The following CTNND2 variants were observed in gnomAD, a reference collection of about 807,000 sequenced individuals.
CTNND2 encodes catenin delta 2, also known as catenin delta-2.
In CTNND2, 22 loss-of-function variants were observed where a neutral mutation model predicts 144.4. That is an observed-to-expected ratio of 0.15 (90% CI 0.11 to 0.22). CTNND2 has a LOEUF of 0.22. CTNND2 is among the 10% of genes least tolerant of loss of function. CTNND2 has a pLI of 1.00. For synonymous variants in CTNND2, 751 were observed against 695.6 expected (o/e 1.08, Z -1.25); for missense variants, 1,353 against 1,618.8 (o/e 0.84, Z 2.82).
At chr5:11,731,920 C>A (rs1242710933) in intron 2 of CTNND2, among the ~76,000 whole-genome samples, 1 of 152,014 alleles carries the variant, frequency 6.6e-6, no homozygotes, top group African/African-American at 2.4e-5. Context: ...AGTTGTTTTT[C>A]TTCCCCTATA....
intron 3 of CTNND2, among the ~76,000 whole-genome samples, chr5:11,477,589 G>T (rs985215168): frequency 5.3e-5 from 8 of 151,870 alleles, no homozygotes; most frequent in Non-Finnish European, 1.2e-4. Context: ...TTTTTAAATT[G>T]TTTTTTGTAG....
In CTNND2 at chr5:11,240,169, AAC is replaced by A. The variant is rs1242476863; in HGVS notation, c.1629-3348_1629-3347del. ...ACACACACACATTCACACACACACC[AAC>A]ACACACACTCACACACCCAACACAC... On this transcript the variant is annotated intron_variant, in intron 9 of 21. Coordinates refer to ENST00000304623, the MANE Select transcript of CTNND2 (RefSeq NM_001332.4). Among the ~76,000 whole-genome samples, 20 of 120,100 alleles carry A rather than the reference AAC, an allele frequency of 1.7e-4. No homozygotes were observed. In the East Asian group the frequency reaches 2.2e-3, roughly 13 times the overall value. 78.8% of individuals were successfully genotyped at this position (120,100 alleles called of 152,430 possible).
chr5:11,311,797 AC>A (rs1750911998), intron 9 of CTNND2, among the ~76,000 whole-genome samples: 1 of 62,216 alleles, frequency 1.6e-5, no homozygotes, highest in African/African-American at 5.3e-5. Flanking sequence ...ACACACACAC[AC>A]ACACTCCCCA....
Position 11,316,468 on chromosome 5 carries a change from T to TTA in CTNND2, c.1628+29903_1628+29904insTA, listed in dbSNP as rs1751492646. Among the ~76,000 whole-genome samples, 135 of 73,402 alleles carry TTA rather than the reference T, an allele frequency of 1.8e-3. 1 individual carries two copies. The highest frequency in any genetic ancestry group is 9.1e-3 in the Middle Eastern group (1 of 110). 48.2% of individuals were successfully genotyped at this position (73,402 alleles called of 152,430 possible). On this transcript the variant is annotated intron_variant, in intron 9 of 21. Coordinates refer to ENST00000304623, the MANE Select transcript of CTNND2 (RefSeq NM_001332.4). The stretch of plus-strand genomic sequence containing the variant: ...AGGTAGGTACTCTTATCCACTATTT[T>TTA]TTATTATTATTATTATTATTATTAT...
chr5:11,586,955 T>C (rs1778909666), intron 2 of CTNND2, among the ~76,000 whole-genome samples: 2 of 152,070 alleles, frequency 1.3e-5, no homozygotes, highest in Admixed American at 1.3e-4. Flanking sequence ...AAAAAGTAAG[T>C]GTTCAAATTT....
At chr5:11,126,225 C>T (rs1434168106) in intron 12 of CTNND2, among the ~76,000 whole-genome samples, 2 of 152,120 alleles carry the variant, frequency 1.3e-5, no homozygotes, top group South Asian at 2.1e-4. Context: ...TGCTTGAACC[C>T]GGGATGCGGA....
intron 11 of CTNND2, among the ~76,000 whole-genome samples, chr5:11,191,237 C>T (rs1372286462): frequency 6.6e-6 from 1 of 152,082 alleles, no homozygotes; most frequent in African/African-American, 2.4e-5. Context: ...TTGCAATCTT[C>T]GTAGGGATAG....
intron 11 of CTNND2, among the ~76,000 whole-genome samples, chr5:11,163,896 CA>C (rs1759037131): frequency 6.6e-6 from 1 of 152,094 alleles, no homozygotes; most frequent in African/African-American, 2.4e-5. Context: ...CTCTTATTTC[CA>C]ACTGCTGCCT....
At chr5:11,142,513 C>T (rs1756831622) in intron 12 of CTNND2, among the ~76,000 whole-genome samples, 1 of 152,026 alleles carries the variant, frequency 6.6e-6, no homozygotes, top group African/African-American at 2.4e-5. Context: ...TTGGCAGGTC[C>T]TCATTTTTAT....
At chr5:11,717,786 T>G (rs1243684770) in intron 2 of CTNND2, among the ~76,000 whole-genome samples, 1 of 152,076 alleles carries the variant, frequency 6.6e-6, no homozygotes, top group Admixed American at 6.5e-5. Context: ...GAGACTTATT[T>G]ACTACCATGG....
intron 3 of CTNND2, among the ~76,000 whole-genome samples, chr5:11,505,870 C>T (rs1339990109): frequency 5.3e-5 from 8 of 152,162 alleles, no homozygotes; most frequent in East Asian, 1.9e-4. Context: ...CGCAGGCCCC[C>T]GTCATTTTTC....
intron 1 of CTNND2, among the ~76,000 whole-genome samples, chr5:11,853,345 C>T (rs1388434424): frequency 6.6e-6 from 1 of 152,150 alleles, no homozygotes; most frequent in Non-Finnish European, 1.5e-5. Flanking sequence ...TTTCTTCCTA[C>T]TTCACTGGCC....
At chr5:11,297,795 C>T (rs1011352562) in intron 9 of CTNND2, among the ~76,000 whole-genome samples, 5 of 152,082 alleles carry the variant, frequency 3.3e-5, no homozygotes, top group African/African-American at 1.2e-4. Flanking sequence ...AACATATTCA[C>T]GAGTTCGGAT....
At chr5:11,099,366 C>T (rs1157687321) in intron 14 of CTNND2, among the ~76,000 whole-genome samples, 2 of 152,122 alleles carry the variant, frequency 1.3e-5, no homozygotes, top group East Asian at 3.8e-4. Context: ...GTTAAGTTTG[C>T]TTTGAATTGA....
intron 3 of CTNND2, among the ~76,000 whole-genome samples, chr5:11,459,490 C>T (rs936159391): frequency 2.0e-5 from 3 of 152,146 alleles, no homozygotes; most frequent in South Asian, 2.1e-4. Flanking sequence ...ATTGCTTGTT[C>T]TGCCCCTTTT....
chr5:11,857,608 T>C (rs1002870099), intron 1 of CTNND2, among the ~76,000 whole-genome samples: 2 of 152,318 alleles, frequency 1.3e-5, no homozygotes, highest in Middle Eastern at 3.4e-3. Flanking sequence ...GGGTTATCTA[T>C]GATCTTTGGG....
chr5:11,837,732 T>C (rs999939921), intron 1 of CTNND2, among the ~76,000 whole-genome samples: 1 of 152,146 alleles, frequency 6.6e-6, no homozygotes, highest in African/African-American at 2.4e-5. Flanking sequence ...GTGAATCTGT[T>C]TTTTCCTTCG....
At chr5:11,734,277 C>T (rs1787555056) in intron 1 of CTNND2, among the ~76,000 whole-genome samples, 1 of 152,150 alleles carries the variant, frequency 6.6e-6, no homozygotes, top group African/African-American at 2.4e-5. Context: ...TCACAAGGGA[C>T]TTTATGCAAG....
At chr5:11,096,780 G>C (rs1325978338) in intron 15 of CTNND2, among the ~76,000 whole-genome samples, 1 of 150,510 alleles carries the variant, frequency 6.6e-6, no homozygotes, top group Non-Finnish European at 1.5e-5. Flanking sequence ...AGAGACAGAG[G>C]GAGGGAGGAA....
Sources: allele counts gnomAD v4.1 joint callset (sites outside exome capture counted in the v4.1 genomes callset), GRCh38; gene constraint gnomAD v4.1.1; transcripts MANE v1.5; gene names NCBI Gene and HGNC (gene_info 2026-07-23, HGNC 2026-07-21).